PTPRT: variants seen among roughly 807,000 people sequenced by gnomAD.
The protein encoded by PTPRT is protein tyrosine phosphatase receptor type T, also known as receptor-type tyrosine-protein phosphatase T.
PTPRT carries 56 observed loss-of-function variants against 176.8 expected under a neutral mutation model. That is an observed-to-expected ratio of 0.32 (90% CI 0.26 to 0.40). The LOEUF (loss-of-function observed/expected upper bound fraction) is 0.40, where lower values mean the gene tolerates loss of function less well. Ranked by LOEUF, PTPRT falls within the 10% of genes least tolerant of loss-of-function variation. PTPRT has a pLI of 1.00. For synonymous variants in PTPRT, 783 were observed against 739.0 expected, an observed-to-expected ratio of 1.06 and a Z score of -0.96; for missense variants, 1,540 against 1,908.2, an observed-to-expected ratio of 0.81 and a Z score of 3.60.
At chr20:42,682,207 G>T (rs2075615478) in intron 6 of PTPRT, among the ~76,000 whole-genome samples, 1 of 151,974 alleles carries the variant, frequency 6.6e-6, no homozygotes, top group Non-Finnish European at 1.5e-5. Context: ...TCTTAACTGG[G>T]GTTATGTAAA....
At chr20:42,646,713 C>T (rs1174675231) in intron 7 of PTPRT, among the ~76,000 whole-genome samples, 1 of 151,864 alleles carries the variant, frequency 6.6e-6, no homozygotes, top group Non-Finnish European at 1.5e-5. Flanking sequence ...TGGTGCTGCA[C>T]TATAGGCTTC....
At chr20:43,079,194 CT>C (rs1229926839) in intron 1 of PTPRT, among the ~76,000 whole-genome samples, 41 of 119,464 alleles carry the variant, frequency 3.4e-4, no homozygotes, top group South Asian at 7.2e-4. Flanking sequence ...CCCCAGCCCC[CT>C]CTCTCCCTCT....
rs2075531237 is a variant in PTPRT at position 42,677,728 on chromosome 20, C to A, written c.1153+138G>T. The A allele has an allele frequency of 2.9e-6, 3 of 1,025,888 alleles. No individual in the cohort carries two copies. In the Admixed American group the frequency reaches 7.8e-5, roughly 27 times the overall value. 63.5% of individuals were successfully genotyped at this position (1,025,888 alleles called of 1,614,324 possible). A position where few individuals can be genotyped will look rare whatever the true frequency, so the allele number is the denominator to read the frequency against. On this transcript the variant is annotated intron_variant, in intron 7 of 30. Transcript: ENST00000373187. ...ACAAAAAAAACCCCAAGGCCTTGAT[C>A]CTGTTTATCCACAATAGGAAGCACA...
intron 16 of PTPRT, among the ~76,000 whole-genome samples, chr20:42,164,747 C>G (rs1201154833): frequency 1.3e-5 from 2 of 152,320 alleles, no homozygotes; most frequent in Admixed American, 6.5e-5. Flanking sequence ...TATGATGTTC[C>G]TGTTCAAGAG....
chr20:42,041,040 G>A, the PTPRT span, among the ~76,000 whole-genome samples: 13 of 152,280 alleles, frequency 8.5e-5, no homozygotes, highest in East Asian at 1.2e-3. Context: ...GTGTTTCTGC[G>A]TGTGCTCACA....
At chr20:42,281,913 A>C (rs148963891) in intron 13 of PTPRT, among the ~76,000 whole-genome samples, 1 of 152,230 alleles carries the variant, frequency 6.6e-6, no homozygotes, top group Non-Finnish European at 1.5e-5. Flanking sequence ...GTACCAACTG[A>C]AAGAGCCAGG....
intron 8 of PTPRT, among the ~76,000 whole-genome samples, chr20:42,449,384 G>C (rs761262958): frequency 3.3e-5 from 5 of 152,204 alleles, no homozygotes; most frequent in Admixed American, 1.3e-4. Context: ...TCTTACAACA[G>C]TCTGGAAGAC....
At chr20:42,061,629 C>T in the PTPRT span, among the ~76,000 whole-genome samples, 5 of 152,134 alleles carry the variant, frequency 3.3e-5, no homozygotes, top group Admixed American at 1.3e-4. Context: ...CATAAAAAGT[C>T]GTTTGACTGG....
intron 15 of PTPRT, among the ~76,000 whole-genome samples, chr20:42,219,794 G>A (rs1395487368): frequency 6.6e-6 from 1 of 152,176 alleles, no homozygotes; most frequent in African/African-American, 2.4e-5. Flanking sequence ...GCCAGGGCTT[G>A]ACAGCTTAAC....
intron 8 of PTPRT, among the ~76,000 whole-genome samples, chr20:42,456,879 C>A (rs2070935022): frequency 6.6e-6 from 1 of 152,120 alleles, no homozygotes; most frequent in Non-Finnish European, 1.5e-5. Context: ...ATTAGGATTA[C>A]AAACTCCTTG....
chr20:42,170,424 G>C (rs1382415505), intron 16 of PTPRT, among the ~76,000 whole-genome samples: 7 of 152,152 alleles, frequency 4.6e-5, no homozygotes, highest in Non-Finnish European at 1.0e-4. Context: ...GAAATTAAAG[G>C]TGAAATAATA....
intron 13 of PTPRT, among the ~76,000 whole-genome samples, chr20:42,272,154 G>A (rs1465794669): frequency 2.0e-5 from 3 of 152,148 alleles, no homozygotes; most frequent in Non-Finnish European, 4.4e-5. Flanking sequence ...AAAAATGAAA[G>A]AGGAGTAATA....
intron 9 of PTPRT, among the ~76,000 whole-genome samples, chr20:42,369,565 A>C (rs1240769501): frequency 6.6e-6 from 1 of 152,188 alleles, no homozygotes; most frequent in Non-Finnish European, 1.5e-5. Context: ...ATAAAAATGA[A>C]AGGTGCCAGA....
intron 2 of PTPRT, among the ~76,000 whole-genome samples, chr20:42,794,480 A>T (rs2077424271): frequency 6.6e-6 from 1 of 152,138 alleles, no homozygotes; most frequent in Non-Finnish European, 1.5e-5. Context: ...GCATGTACAT[A>T]AAGCAGTGAG....
intron 1 of PTPRT, among the ~76,000 whole-genome samples, chr20:43,021,610 C>T (rs1247296537): frequency 6.6e-6 from 1 of 151,938 alleles, no homozygotes; most frequent in Non-Finnish European, 1.5e-5. Context: ...GTCTCAGGGG[C>T]CCTAGTTAAT....
the PTPRT span, among the ~76,000 whole-genome samples, chr20:42,056,799 G>C: frequency 1.3e-5 from 2 of 152,192 alleles, no homozygotes; most frequent in Non-Finnish European, 2.9e-5. Flanking sequence ...GCATAATCTG[G>C]GGCTGTCTTA....
chr20:42,771,432 T>C lies in PTPRT; in HGVS notation c.684+3A>G, dbSNP rs1466850133. On this transcript the variant is annotated splice_donor_region_variant and intron_variant, in intron 5 of 30. Coordinates refer to ENST00000373187, the MANE Select transcript of PTPRT (RefSeq NM_007050.6). Reference sequence around the variant, plus strand: ...TCTGAGCAGAGGCTTCTCTCATGCTTACCTGGAGCCAAAGCTTGTCATGCT... The same window carrying C: ...TCTGAGCAGAGGCTTCTCTCATGCTCACCTGGAGCCAAAGCTTGTCATGCT... 5 of 1,611,954 alleles carry C rather than the reference T, an allele frequency of 3.1e-6. No homozygotes were observed. Among genetic ancestry groups the C allele is most frequent in the Non-Finnish European group, 3.4e-6 (4 of 1,178,168 alleles).
Position 42,139,014 on chromosome 20 carries a change from C to T in PTPRT, c.2770+2901G>A, listed in dbSNP as rs948508885. ...AAGAATATTTCTATTTATCAAGCCT[C>T]GGCAGGCTTTGCCTTTGGGAGGGAC... On this transcript the variant is annotated intron_variant, in intron 18 of 30. Transcript: ENST00000373187. Among the ~76,000 whole-genome samples, 6 of 152,192 alleles carry T rather than the reference C, an allele frequency of 3.9e-5. No individual in the cohort carries two copies. The South Asian group carries it at 8.3e-4, about 21-fold the overall frequency.
intron 1 of PTPRT, among the ~76,000 whole-genome samples, chr20:43,090,475 A>C (rs901066405): frequency 6.6e-6 from 1 of 152,096 alleles, no homozygotes; most frequent in Non-Finnish European, 1.5e-5. Context: ...TCACCGTTTT[A>C]GCCAGGATGG....
Sources: allele counts gnomAD v4.1 joint callset (sites outside exome capture counted in the v4.1 genomes callset), GRCh38; gene constraint gnomAD v4.1.1; transcripts MANE v1.5; gene names NCBI Gene and HGNC (gene_info 2026-07-23, HGNC 2026-07-21).